CHURC1: variants seen among roughly 807,000 people sequenced by gnomAD.
CHURC1 encodes the protein protein Churchill.
A neutral mutation model predicts 15.4 loss-of-function variants in CHURC1; 12 were observed. That is an observed-to-expected ratio of 0.78 (90% CI 0.50 to 1.27). CHURC1 has a LOEUF of 1.27. Among genes scored for constraint, CHURC1 ranks in the 50% most tolerant of loss-of-function variants. The pLI, the probability that CHURC1 is intolerant of heterozygous loss-of-function variation, is 0.00. For missense variants in CHURC1, 132 were observed against 137.8 expected, an observed-to-expected ratio of 0.96 and a Z score of 0.21; for synonymous variants, 42 against 47.5, an observed-to-expected ratio of 0.88 and a Z score of 0.48.
At chr14:64,915,762 A>G (rs985304998) in intron 1 of CHURC1, among the ~76,000 whole-genome samples, 4 of 152,344 alleles carry the variant, frequency 2.6e-5, no homozygotes, top group African/African-American at 9.6e-5. Context: ...ATGCATGTGT[A>G]TATGCTTCTG....
In CHURC1 at chr14:64,933,660, A is replaced by G. The variant is rs145764569; in HGVS notation, c.*1430A>G. ...TACTAGAAACAATGAGGTGGCTTCA[A>G]TTAGTGCTCATTCTGAGACCTAAAT... On this transcript the variant is annotated 3_prime_UTR_variant, in exon 4 of 4. Transcript: ENST00000549115. 6.4e-4 allele frequency: 628 copies of G among 985,468 alleles called. 4 individuals carry two copies. In the African/African-American group the frequency reaches 0.01, roughly 16 times the overall value. 61.0% of individuals were successfully genotyped at this position (985,468 alleles called of 1,614,324 possible).
rs1255692705 is a variant in CHURC1, at chr14:64,934,807, C to G, written c.*2577C>G. 1 of 985,196 alleles carries G rather than the reference C, an allele frequency of 1.0e-6. No individual in the cohort carries two copies. Among genetic ancestry groups the G allele is most frequent in the Non-Finnish European group, 1.2e-6 (1 of 829,854 alleles). The allele number at this position is 985,196 out of a possible 1,614,324, so 61.0% of individuals were successfully genotyped here. A position where few individuals can be genotyped will look rare whatever the true frequency, so the allele number is the denominator to read the frequency against. Reference sequence around the variant, plus strand: ...AAGAGTCTAATTTTATATGCCCTGCCAATGTCCTCATCTATTGCAGAATGT... The same window carrying G: ...AAGAGTCTAATTTTATATGCCCTGCGAATGTCCTCATCTATTGCAGAATGT... On this transcript the variant is annotated 3_prime_UTR_variant, in exon 4 of 4. Coordinates refer to ENST00000549115, the MANE Select transcript of CHURC1 (RefSeq NM_001386928.1).
In CHURC1 at chr14:64,934,805, G is replaced by T. The variant is rs1885249249; in HGVS notation, c.*2575G>T. On this transcript the variant is annotated 3_prime_UTR_variant, in exon 4 of 4. Coordinates refer to ENST00000549115, the MANE Select transcript of CHURC1 (RefSeq NM_001386928.1). The stretch of plus-strand genomic sequence containing the variant: ...CCAAGAGTCTAATTTTATATGCCCT[G>T]CCAATGTCCTCATCTATTGCAGAAT... 10 of 985,218 alleles carry T rather than the reference G, an allele frequency of 1.0e-5. No homozygotes were observed. Among genetic ancestry groups the T allele is most frequent in the Non-Finnish European group, 1.1e-5 (9 of 829,912 alleles). 61.0% of individuals were successfully genotyped at this position (985,218 alleles called of 1,614,324 possible).
chr14:64,926,880 C>T (rs1259892871), intron 3 of CHURC1, among the ~76,000 whole-genome samples: 3 of 152,134 alleles, frequency 2.0e-5, no homozygotes, highest in Admixed American at 6.5e-5. Context: ...GCTGAAGATA[C>T]ACAGGTCTGA....
At chr14:64,919,395 C>T (rs1421510692) in intron 1 of CHURC1, among the ~76,000 whole-genome samples, 1 of 152,174 alleles carries the variant, frequency 6.6e-6, no homozygotes, top group Non-Finnish European at 1.5e-5. Flanking sequence ...TACCAAACTT[C>T]ATATATTCAA....
rs760150920 is a variant in CHURC1 at position 64,932,164 on chromosome 14, C to T, written c.273C>T (p.Cys91=). The T allele has an allele frequency of 3.1e-6, 5 of 1,613,778 alleles. No individual in the cohort carries two copies. The highest frequency in any genetic ancestry group is 4.2e-6 in the Non-Finnish European group (5 of 1,179,744). ...AGTATACCATGCTGTGTCTGTTATG[C>T]GGCAAAGCCGAAGATACTATCAGTA... is the stretch of plus-strand genomic sequence containing the variant. The part of the protein sequence containing the change: ...FQEYTMLCLL[C]GKAEDTISIL... Residue 91 remains cysteine (C), a synonymous_variant, in exon 4 of 4, where the codon TGC becomes TGT. Transcript: ENST00000549115.
At chr14:64,915,031 C>T (rs1883768832) in intron 1 of CHURC1, among the ~76,000 whole-genome samples, 1 of 152,236 alleles carries the variant, frequency 6.6e-6, no homozygotes, top group Non-Finnish European at 1.5e-5. Context: ...GGTTTCCTGC[C>T]TGTTACCGCC....
In CHURC1 at chr14:64,934,924, G is replaced by T. The variant is rs1443894075; in HGVS notation, c.*2694G>T. ...TTCATTATTGGTGAACCCACATTGT[G>T]CTGTGTTTTGTGATATTTTATCATT... On this transcript the variant is annotated 3_prime_UTR_variant, in exon 4 of 4. Transcript: ENST00000549115. The T allele has an allele frequency of 7.1e-6, 7 of 984,322 alleles. No homozygotes were observed. The highest frequency in any genetic ancestry group is 4.8e-6 in the Non-Finnish European group (4 of 829,124). The allele number at this position is 984,322 out of a possible 1,614,324, so 61.0% of individuals were successfully genotyped here.
At chr14:64,921,570 T>A (rs1884299966) in intron 1 of CHURC1, among the ~76,000 whole-genome samples, 1 of 152,164 alleles carries the variant, frequency 6.6e-6, no homozygotes, top group African/African-American at 2.4e-5. Flanking sequence ...ATGCTCAACA[T>A]CATTAGTCAT....
At position 64,934,791 on chromosome 14, in the gene CHURC1, A is replaced by G. The variant is rs1425588519; in HGVS notation, c.*2561A>G. 2.0e-6 allele frequency: 2 copies of G among 985,272 alleles called. No individual in the cohort carries two copies. The highest frequency in any genetic ancestry group is 2.4e-6 in the Non-Finnish European group (2 of 829,936). 61.0% of individuals were successfully genotyped at this position (985,272 alleles called of 1,614,324 possible). ...TAGTCATTTGAAGCCCAAGAGTCTA[A>G]TTTTATATGCCCTGCCAATGTCCTC... On this transcript the variant is annotated 3_prime_UTR_variant, in exon 4 of 4. Transcript: ENST00000549115.
rs751919728 is a variant in CHURC1 at position 64,914,686 on chromosome 14, G to A, written c.39+152G>A. On this transcript the variant is annotated intron_variant, in intron 1 of 3. Transcript: ENST00000549115. Reference sequence around the variant, plus strand: ...AGCGGTATTTAGGCACACCAGGGATGGCCTGTGGCGGTCTGCACCTCTGGT... The same window carrying A: ...AGCGGTATTTAGGCACACCAGGGATAGCCTGTGGCGGTCTGCACCTCTGGT... 327 of 1,429,022 alleles carry A rather than the reference G, an allele frequency of 2.3e-4. 2 individuals are homozygous for A. Among genetic ancestry groups the A allele is most frequent in the Non-Finnish European group, 2.7e-4 (291 of 1,068,740 alleles). The allele number at this position is 1,429,022 out of a possible 1,614,324, so 88.5% of individuals were successfully genotyped here.
chr14:64,921,881 C>T (rs868717763), intron 1 of CHURC1, among the ~76,000 whole-genome samples: 1 of 152,166 alleles, frequency 6.6e-6, no homozygotes, highest in Non-Finnish European at 1.5e-5. Context: ...CAAATGGAAA[C>T]AACCCAAATA....
At chr14:64,928,241 T>C (rs780004078) in intron 3 of CHURC1, among the ~76,000 whole-genome samples, 1 of 152,178 alleles carries the variant, frequency 6.6e-6, no homozygotes, top group Non-Finnish European at 1.5e-5. Flanking sequence ...CTTGCTTCTT[T>C]AGTTGAACAG....
intron 1 of CHURC1, among the ~76,000 whole-genome samples, chr14:64,920,327 T>C (rs369828461): frequency 2.6e-4 from 39 of 152,360 alleles, no homozygotes; most frequent in African/African-American, 9.4e-4. Context: ...TAAGCTGTTA[T>C]GGTCTACTGT....
At position 64,935,303 on chromosome 14, in the gene CHURC1, G is replaced by A. The variant is rs147183761; in HGVS notation, c.*3073G>A. Reference sequence around the variant, plus strand: ...TACGTATGTAACTAACCTGCACATCGTGCACATGTACCCTAAAACTTAAAG... The same window carrying A: ...TACGTATGTAACTAACCTGCACATCATGCACATGTACCCTAAAACTTAAAG... On this transcript the variant is annotated 3_prime_UTR_variant, in exon 4 of 4. Transcript: ENST00000549115. 3,272 of 644,580 alleles carry A rather than the reference G, an allele frequency of 5.1e-3. 9 individuals carry two copies. Among genetic ancestry groups the A allele is most frequent in the Non-Finnish European group, 5.8e-3 (3,036 of 519,470 alleles). The allele number at this position is 644,580 out of a possible 1,614,324, so 39.9% of individuals were successfully genotyped here. A position where few individuals can be genotyped will look rare whatever the true frequency, so the allele number is the denominator to read the frequency against.
In CHURC1 at chr14:64,934,064, C is replaced by T. The variant is rs1007679924; in HGVS notation, c.*1834C>T. On this transcript the variant is annotated 3_prime_UTR_variant, in exon 4 of 4. Coordinates refer to ENST00000549115, the MANE Select transcript of CHURC1 (RefSeq NM_001386928.1). ...GGCACAAAGAAGTTAAATAACTTGC[C>T]GGGTGCGGTGGCTCACCCCTGTAAT... is the stretch of plus-strand genomic sequence containing the variant. The T allele has an allele frequency of 3.1e-5, 30 of 971,642 alleles. No homozygotes were observed. The highest frequency in any genetic ancestry group is 6.5e-5 in the Admixed American group (1 of 15,402). 60.2% of individuals were successfully genotyped at this position (971,642 alleles called of 1,614,324 possible).
At chr14:64,926,137 G>A in intron 3 of CHURC1, 57 bp downstream of exon 3, 2 of 1,221,542 alleles carry the variant, frequency 1.6e-6, no homozygotes, top group Non-Finnish European at 2.3e-6. Flanking sequence ...AATAATAAAA[G>A]TGCTCTTGAG....
chr14:64,918,871 A>G (rs1260797333), intron 1 of CHURC1, among the ~76,000 whole-genome samples: 1 of 152,230 alleles, frequency 6.6e-6, no homozygotes, highest in Non-Finnish European at 1.5e-5. Context: ...TTTGTTGGGA[A>G]GCTCTAAGTG....
chr14:64,926,149 A>G, intron 3 of CHURC1, 69 bp downstream of exon 3: 3 of 1,118,528 alleles, frequency 2.7e-6, no homozygotes, highest in Non-Finnish European at 3.8e-6. Flanking sequence ...GCTCTTGAGA[A>G]TCTAAATACG....
Sources: allele counts gnomAD v4.1 joint callset (sites outside exome capture counted in the v4.1 genomes callset), GRCh38; gene constraint gnomAD v4.1.1; transcripts MANE v1.5; gene names NCBI Gene and HGNC (gene_info 2026-07-23, HGNC 2026-07-21).